NFAT5: variants seen among roughly 807,000 people sequenced by gnomAD.
NFAT5 encodes nuclear factor of activated T cells 5.
A neutral mutation model predicts 166.5 loss-of-function variants in NFAT5; 31 were observed. The observed-to-expected ratio is 0.19, with a 90% confidence interval of 0.14 to 0.25. The LOEUF (loss-of-function observed/expected upper bound fraction) is 0.25. Ranked by LOEUF, NFAT5 falls within the 10% of genes least tolerant of loss-of-function variation. The pLI is 1.00. For missense variants in NFAT5, 1,449 were observed against 1,821.8 expected (o/e 0.80, Z 3.72); for synonymous variants, 612 against 639.7 (o/e 0.96, Z 0.65).
chr16:69,647,863 A>T lies in NFAT5; in HGVS notation c.812+277A>T, dbSNP rs2035505987. 6.6e-6 allele frequency among the ~76,000 whole-genome samples: 1 copy of T among 152,086 alleles called. No homozygotes were observed. The highest frequency in any genetic ancestry group is 1.5e-5 in the Non-Finnish European group (1 of 68,020). On this transcript the variant is annotated intron_variant, in intron 4 of 14. Transcript: ENST00000349945. The surrounding 1 kb of genome is among the most constrained non-coding windows in gnomAD (Gnocchi z 4.8). ...CTGTTCTGAAATAAATTTCAAATGA[A>T]TTTATATTTTAAAAGGACTTTTACT...
At chr16:69,583,842 G>T (rs2031859556) in intron 2 of NFAT5, among the ~76,000 whole-genome samples, 1 of 152,152 alleles carries the variant, frequency 6.6e-6, no homozygotes, top group Admixed American at 6.5e-5. Context: ...TGAGGATTGT[G>T]CTCTAGTTAT....
chr16:69,610,134 T>C (rs2033640029), intron 2 of NFAT5, among the ~76,000 whole-genome samples: 1 of 152,152 alleles, frequency 6.6e-6, no homozygotes. Flanking sequence ...TAAAAATAAC[T>C]GAAAGTGAAG....
In NFAT5 at chr16:69,695,308, C is replaced by G. The variant is rs760478635; in HGVS notation, c.4587C>G (p.Ile1529Met). 1 of 1,614,028 alleles carries G rather than the reference C, an allele frequency of 6.2e-7. No homozygotes were observed. The highest frequency in any genetic ancestry group is 8.5e-7 in the Non-Finnish European group (1 of 1,180,046). ...CCTCTATAAACACCAACCAGAACATCGAAAAGATTGATTTGCTTGTTTCAT... is the reference window on the plus strand; with the variant it reads ...CCTCTATAAACACCAACCAGAACATGGAAAAGATTGATTTGCTTGTTTCAT... ...LASSINTNQN[I>M]EKIDLLVSLQ... is the part of the protein sequence containing the mutation. The change falls in exon 14 of 15, where the codon ATC (isoleucine) becomes ATG (methionine). Residue 1529 changes from isoleucine (I) to methionine (M), a missense_variant. Ile to Met is a conservative substitution (Grantham distance 10, BLOSUM62 1). Coordinates refer to ENST00000349945, the MANE Select transcript of NFAT5 (RefSeq NM_138713.4).
intron 2 of NFAT5, among the ~76,000 whole-genome samples, chr16:69,599,219 A>AC (rs202159901): frequency 0.035 from 3,687 of 106,076 alleles, 269 homozygotes; most frequent in East Asian, 0.29. Flanking sequence ...GCCTATACTA[A>AC]AAACACTGAA....
Position 69,654,364 on chromosome 16 carries a change from T to C in NFAT5, c.1005+936T>C, listed in dbSNP as rs933265569. Among the ~76,000 whole-genome samples the C allele has an allele frequency of 2.0e-5, 3 of 152,316 alleles. No individual in the cohort carries two copies. The East Asian group carries it at 5.8e-4, about 29-fold the overall frequency. ...ATGAAATTATGATTGAAACTCTGGA[T>C]CAATCAGGAAACGTGTCTGCCACCA... On this transcript the variant is annotated intron_variant, in intron 5 of 14. Coordinates refer to ENST00000349945, the MANE Select transcript of NFAT5 (RefSeq NM_138713.4).
chr16:69,653,290 A>G lies in NFAT5; in HGVS notation c.867A>G (p.Gly289=), dbSNP rs758430767. ...TGVKKSPMLC[G]QYPVKSEGKE... ...TAAAGAAGAGCCCTATGTTGTGTGG[A>G]CAATATCCTGTTAAAAGTGAGGGAA... Residue 289 remains glycine, a synonymous_variant, in exon 5 of 15, where the codon GGA becomes GGG. Coordinates refer to ENST00000349945, the MANE Select transcript of NFAT5 (RefSeq NM_138713.4). The G allele has an allele frequency of 7.4e-6, 12 of 1,611,836 alleles. No individual in the cohort carries two copies. The Admixed American group carries it at 1.0e-4, about 14-fold the overall frequency.
rs183197982 is a variant in NFAT5 at position 69,694,333 on chromosome 16, C to T, written c.4414+94C>T. On this transcript the variant is annotated intron_variant, in intron 13 of 14. Coordinates refer to ENST00000349945, the MANE Select transcript of NFAT5 (RefSeq NM_138713.4). ...GTGCGATCTCAGCTCACTGCACCTG[C>T]ACCCTCTGCCTCCCAGGTTCAGGTG... is the stretch of plus-strand genomic sequence containing the variant. 1,290 of 921,686 alleles carry T rather than the reference C, an allele frequency of 1.4e-3. 3 individuals are homozygous for T. The highest frequency in any genetic ancestry group is 1.8e-3 in the Non-Finnish European group (1,111 of 621,144). The allele number at this position is 921,686 out of a possible 1,614,324, so 57.1% of individuals were successfully genotyped here. A position where few individuals can be genotyped will look rare whatever the true frequency, so the allele number is the denominator to read the frequency against.
At chr16:69,599,284 T>C (rs893097040) in intron 2 of NFAT5, among the ~76,000 whole-genome samples, 10 of 151,884 alleles carry the variant, frequency 6.6e-5, no homozygotes, top group Non-Finnish European at 1.3e-4. Flanking sequence ...TCTCAAAAAA[T>C]GTTGGGAGTT....
chr16:69,672,197 C>T (rs537848807), intron 9 of NFAT5, among the ~76,000 whole-genome samples: 51 of 152,316 alleles, frequency 3.3e-4, no homozygotes, highest in African/African-American at 1.2e-3. Context: ...TGGCCTTATG[C>T]AACTACATGT....
intron 2 of NFAT5, among the ~76,000 whole-genome samples, chr16:69,603,573 A>G (rs1015375382): frequency 6.6e-6 from 1 of 152,254 alleles, no homozygotes; most frequent in African/African-American, 2.4e-5. Flanking sequence ...GCAATAAAGT[A>G]AGACCTCATC....
intron 7 of NFAT5, 45 bp downstream of exon 7, chr16:69,659,944 C>A (rs755581015): frequency 1.4e-6 from 2 of 1,441,250 alleles, no homozygotes; most frequent in Non-Finnish European, 1.9e-6. Context: ...GAGTTTCTTT[C>A]ATTTTCTGTT....
intron 7 of NFAT5, among the ~76,000 whole-genome samples, chr16:69,661,123 A>G (rs2036114896): frequency 1.4e-5 from 2 of 139,012 alleles, no homozygotes; most frequent in Non-Finnish European, 3.0e-5. Flanking sequence ...TCATGCCTGT[A>G]ATACCAGCAC....
At chr16:69,660,191 T>TG (rs1488278401) in intron 7 of NFAT5, among the ~76,000 whole-genome samples, 1 of 152,130 alleles carries the variant, frequency 6.6e-6, no homozygotes, top group Non-Finnish European at 1.5e-5. Flanking sequence ...GAGGCCAAGG[T>TG]GGGAGGATCA....
intron 2 of NFAT5, among the ~76,000 whole-genome samples, chr16:69,612,799 C>T (rs575900993): frequency 1.3e-4 from 20 of 150,862 alleles, no homozygotes; most frequent in African/African-American, 4.1e-4. Context: ...AGTTTAGGCC[C>T]GGGAGCTTGA....
At chr16:69,662,450 CTTTTTTTTTTTTT>C (rs539200298) in intron 7 of NFAT5, among the ~76,000 whole-genome samples, 17 of 96,998 alleles carry the variant, frequency 1.8e-4, no homozygotes, top group African/African-American at 2.3e-4. Flanking sequence ...ACACCTCTTT[CTTTTTTTTTTTTT>C]TTTTTTTTTT....
At chr16:69,585,982 G>T (rs2032036924) in intron 2 of NFAT5, among the ~76,000 whole-genome samples, 1 of 152,128 alleles carries the variant, frequency 6.6e-6, no homozygotes, top group Non-Finnish European at 1.5e-5. Context: ...ACTGAATTGT[G>T]CACTTAAAAA....
intron 7 of NFAT5, among the ~76,000 whole-genome samples, chr16:69,661,748 A>G (rs2036155348): frequency 6.6e-6 from 1 of 152,038 alleles, no homozygotes; most frequent in Non-Finnish European, 1.5e-5. Context: ...AGGCATGCCA[A>G]TTGATGATTT....
chr16:69,613,989 T>C (rs936606812), intron 2 of NFAT5, among the ~76,000 whole-genome samples: 3 of 152,256 alleles, frequency 2.0e-5, no homozygotes, highest in Non-Finnish European at 4.4e-5. Context: ...AGTAATTATA[T>C]GACCAAGAGA....
At chr16:69,637,817 A>G (rs1597448045) in intron 3 of NFAT5, among the ~76,000 whole-genome samples, 1 of 152,370 alleles carries the variant, frequency 6.6e-6, no homozygotes, top group East Asian at 1.9e-4. Context: ...ATGAAATCAT[A>G]GGAAAGACCG....
Sources: gnomAD v4.1 joint callset for allele counts (sites outside exome capture counted in the v4.1 genomes callset) on GRCh38, gnomAD v4.1.1 for gene constraint, Gnocchi (gnomAD v3.1) non-coding constraint, MANE v1.5 for transcripts, NCBI Gene and HGNC (gene_info 2026-07-23, HGNC 2026-07-21) for gene names.